TBC1D4: variants seen among roughly 807,000 people sequenced by gnomAD.
TBC1D4 encodes the protein TBC (Tre-2, BUB2, CDC16) domain-containing protein.
In TBC1D4, 121 loss-of-function variants were observed where a neutral mutation model predicts 142.5. The observed-to-expected ratio is 0.85, with a 90% CI of 0.73 to 0.99. TBC1D4 has a LOEUF of 0.99. Ranked by LOEUF, TBC1D4 falls within the 50% of genes least tolerant of loss-of-function variation. TBC1D4 has a pLI of 0.00. For missense variants in TBC1D4, 1,475 were observed against 1,606.6 expected (o/e 0.92, Z 1.40); for synonymous variants, 630 against 628.2 (o/e 1.00, Z -0.04).
intron 8 of TBC1D4, 108 bp downstream of exon 8, chr13:75,336,813 T>TGTTG: frequency 7.7e-7 from 1 of 1,303,024 alleles, no homozygotes; most frequent in South Asian, 1.3e-5. Context: ...TAGGTTTTTT[T>TGTTG]TTTGTTTGTT....
intron 12 of TBC1D4, 24 bp from the exon 13 acceptor site, chr13:75,312,922 C>T: frequency 6.2e-7 from 1 of 1,613,562 alleles, no homozygotes. Context: ...ATAAACATAT[C>T]ACTTATAAGG....
chr13:75,332,627 G>A (rs911202892), intron 8 of TBC1D4, among the ~76,000 whole-genome samples: 3 of 151,984 alleles, frequency 2.0e-5, no homozygotes, highest in Admixed American at 2.0e-4. Context: ...GTAGGTCTGG[G>A]GTGAGGACCA....
intron 9 of TBC1D4, among the ~76,000 whole-genome samples, chr13:75,326,924 A>G (rs909979330): frequency 1.3e-5 from 2 of 152,208 alleles, no homozygotes; most frequent in African/African-American, 4.8e-5. Flanking sequence ...TCCAAGTCTC[A>G]TGGCAAAGCC....
intron 1 of TBC1D4, among the ~76,000 whole-genome samples, chr13:75,388,451 A>T (rs945618258): frequency 1.3e-5 from 2 of 152,144 alleles, no homozygotes; most frequent in Non-Finnish European, 1.5e-5. Flanking sequence ...CAAAGGTTAA[A>T]TTTTAAGAAA....
intron 1 of TBC1D4, among the ~76,000 whole-genome samples, chr13:75,410,060 A>C (rs538072174): frequency 6.6e-6 from 1 of 152,242 alleles, no homozygotes; most frequent in Non-Finnish European, 1.5e-5. Context: ...CCTGCCTTGT[A>C]TAAACAAAAT....
At chr13:75,287,638 A>G (rs889789827) in intron 20 of TBC1D4, among the ~76,000 whole-genome samples, 1 of 139,790 alleles carries the variant, frequency 7.2e-6, no homozygotes, top group African/African-American at 2.8e-5. Flanking sequence ...CTTTTTGAAA[A>G]TAGAGTATGT....
intron 1 of TBC1D4, among the ~76,000 whole-genome samples, chr13:75,377,520 C>T (rs760771763): frequency 5.9e-4 from 89 of 151,908 alleles, no homozygotes; most frequent in Admixed American, 1.6e-3. Context: ...TTATGTGATG[C>T]AAATACCACT....
In TBC1D4 at chr13:75,326,374, G is replaced by A. The variant is rs56223054; in HGVS notation, c.1856C>T (p.Pro619Leu). 4.5e-3 allele frequency: 7,315 copies of A among 1,614,104 alleles called. 16 individuals carry two copies. The highest frequency in any genetic ancestry group is 5.5e-3 in the Non-Finnish European group (6,508 of 1,180,014). Residue 619 changes from proline to leucine, a missense_variant, in exon 10 of 21, where the codon CCG becomes CTG. Pro to Leu is a moderately conservative substitution (Grantham distance 98, BLOSUM62 -3). Around this residue, in one of 2 missense-constraint regions of TBC1D4, gnomAD observed 1,227 missense variants for 1,267.7 expected, o/e 0.97. Coordinates refer to ENST00000377636, the MANE Select transcript of TBC1D4 (RefSeq NM_014832.5). ...SPPGTPPASP[P>L]SSAWQTFPEE... ...GGGAAACGTTTGCCAAGCTGAGGAC[G>A]GTGGGGACGCTGGCGGTGTCCCTGG...
At position 75,362,202 on chromosome 13, in the gene TBC1D4, C is replaced by A. The variant is rs766539297; in HGVS notation, c.904G>T (p.Glu302Ter). The A allele has an allele frequency of 8.1e-6, 13 of 1,613,828 alleles. No individual in the cohort carries two copies. The highest frequency in any genetic ancestry group is 1.3e-5 in the African/African-American group (1 of 75,028). Residue 302 changes from glutamate to a stop codon, truncating the protein, a stop_gained, in exon 2 of 21, where the codon GAA becomes TAA. Transcript: ENST00000377636. LOFTEE classifies it high-confidence loss of function. This position sits in a 1 kb window ranked among gnomAD's most constrained non-coding sequence, Gnocchi z 4.2. ...TGCTGCTCATCAAAGCCAGAATCTT[C>A]CAAAATCCGCTCAGGGAAGCAGACC... ...SRVCFPERIL[E>*]DSGFDEQQEF... is the part of the protein sequence containing the mutation.
chr13:75,480,873 G>GCGCACACACA (rs1182212682), intron 1 of TBC1D4, among the ~76,000 whole-genome samples: 1 of 98,788 alleles, frequency 1.0e-5, no homozygotes, highest in South Asian at 4.4e-4. Context: ...GCGCGCACAC[G>GCGCACACACA]CACGCACACA....
chr13:75,481,924 C>G lies in TBC1D4; in HGVS notation c.-157G>C. 2 of 1,095,258 alleles carry G rather than the reference C, an allele frequency of 1.8e-6. No homozygotes were observed. The highest frequency in any genetic ancestry group is 3.2e-4 in the Middle Eastern group (1 of 3,102). The allele number at this position is 1,095,258 out of a possible 1,614,324, so 67.8% of individuals were successfully genotyped here. A position where few individuals can be genotyped will look rare whatever the true frequency, so the allele number is the denominator to read the frequency against. The stretch of plus-strand genomic sequence containing the variant: ...CCCCGAACTCCGCGCTTCAGCAGCC[C>G]TGCCCCATGCAGCACTTCCACGGGC... On this transcript the variant is annotated 5_prime_UTR_variant, in exon 1 of 21. Coordinates refer to ENST00000377636, the MANE Select transcript of TBC1D4 (RefSeq NM_014832.5).
chr13:75,342,415 T>G (rs1274679835), intron 5 of TBC1D4, among the ~76,000 whole-genome samples: 1 of 152,176 alleles, frequency 6.6e-6, no homozygotes, highest in Non-Finnish European at 1.5e-5. Context: ...GTAATAATAT[T>G]AAAAGGCAAG....
intron 8 of TBC1D4, among the ~76,000 whole-genome samples, chr13:75,331,484 A>G (rs143371682): frequency 0.032 from 4,929 of 152,260 alleles, 273 homozygotes; most frequent in African/African-American, 0.11. Flanking sequence ...TGGGTGACAG[A>G]GCAAGACCCT....
Position 75,302,496 on chromosome 13 carries a change from G to A in TBC1D4, c.2753-95C>T, listed in dbSNP as rs189509905. The A allele has an allele frequency of 7.5e-6, 11 of 1,462,110 alleles. 1 individual carries two copies. The Admixed American group carries it at 1.4e-4, about 19-fold the overall frequency. 90.6% of individuals were successfully genotyped at this position (1,462,110 alleles called of 1,614,324 possible). A position where few individuals can be genotyped will look rare whatever the true frequency, so the allele number is the denominator to read the frequency against. ...ACTATATAATTCTGGTAAACAGGCA[G>A]CTGTATGTACTGCATGCCACCCTAA... On this transcript the variant is annotated intron_variant, in intron 15 of 20. Coordinates refer to ENST00000377636, the MANE Select transcript of TBC1D4 (RefSeq NM_014832.5).
At chr13:75,444,616 T>G (rs541588665) in intron 1 of TBC1D4, among the ~76,000 whole-genome samples, 1 of 152,310 alleles carries the variant, frequency 6.6e-6, no homozygotes, top group Admixed American at 6.5e-5. Context: ...AATCCTGGAT[T>G]TAAAACAACA....
At chr13:75,480,372 G>C (rs955439173) in intron 1 of TBC1D4, among the ~76,000 whole-genome samples, 1 of 152,098 alleles carries the variant, frequency 6.6e-6, no homozygotes, top group African/African-American at 2.4e-5. Flanking sequence ...TGATATGGCG[G>C]GGAGAAAACT....
intron 1 of TBC1D4, among the ~76,000 whole-genome samples, chr13:75,412,369 A>C (rs112682634): frequency 0.043 from 6,501 of 151,974 alleles, 475 homozygotes; most frequent in African/African-American, 0.15. Flanking sequence ...TGTAGCCTTG[A>C]CCTCTTGGGC....
rs186645153 is a variant in TBC1D4, at chr13:75,343,552, T to C, written c.1409-1965A>G. Among the ~76,000 whole-genome samples, 284 of 151,718 alleles carry C rather than the reference T, an allele frequency of 1.9e-3. 1 individual carries two copies. Among genetic ancestry groups the C allele is most frequent in the Middle Eastern group, 0.01 (3 of 294 alleles). On this transcript the variant is annotated intron_variant, in intron 5 of 20. Transcript: ENST00000377636. ...ATTTATTTGAGATGGAGTTTCGCTCTCGTTGCCCGGGCTGGAGTGCAATGG... is the reference window on the plus strand; with the variant it reads ...ATTTATTTGAGATGGAGTTTCGCTCCCGTTGCCCGGGCTGGAGTGCAATGG...
Position 75,286,917 on chromosome 13 carries a change from A to C in TBC1D4, c.3772T>G (p.Tyr1258Asp), listed in dbSNP as rs1353143425. ...CGGAGTTGCTCCACTGTCTTTTGAT[A>C]AGCCATTTTTTCTTGTTCCAGGGTC... ...IRTLEQEKMA[Y>D]QKTVEQLRKL... The change falls in exon 21 of 21, where the codon TAT becomes GAT. Residue 1258 changes from tyrosine to aspartate, a missense_variant. Tyr to Asp is a radical substitution (Grantham distance 160). Transcript: ENST00000377636. 12 of 1,613,844 alleles carry C rather than the reference A, an allele frequency of 7.4e-6. No individual in the cohort carries two copies. Among genetic ancestry groups the C allele is most frequent in the Non-Finnish European group, 1.0e-5 (12 of 1,179,970 alleles).
Sources: gnomAD v4.1 joint callset for allele counts (sites outside exome capture counted in the v4.1 genomes callset) on GRCh38, gnomAD v4.1.1 for gene constraint, gnomAD v4.1.1 regional missense constraint, Gnocchi (gnomAD v3.1) non-coding constraint, MANE v1.5 for transcripts, NCBI Gene and HGNC (gene_info 2026-07-23, HGNC 2026-07-21) for gene names.